Variants in HECTD2 observed in about 807,000 individuals in gnomAD.
HECTD2 encodes the protein HECT domain E3 ubiquitin protein ligase 2, also known as probable E3 ubiquitin-protein ligase HECTD2.
In HECTD2, 35 loss-of-function variants were observed where a neutral mutation model predicts 103.2. The ratio of observed to expected loss-of-function variants is 0.34; its 90% confidence interval spans 0.26 to 0.45. HECTD2 has a LOEUF of 0.45. Ranked by LOEUF, HECTD2 falls within the 20% of genes least tolerant of loss-of-function variation. HECTD2 has a pLI of 1.00. For missense variants in HECTD2, 596 were observed against 937.4 expected, an observed-to-expected ratio of 0.64 and a Z score of 4.76; for synonymous variants, 281 against 329.9, an observed-to-expected ratio of 0.85 and a Z score of 1.61.
chr10:91,487,626 A>G lies in HECTD2; in HGVS notation c.1095-56A>G. On this transcript the variant is annotated intron_variant, in intron 10 of 20. Coordinates refer to ENST00000298068, the MANE Select transcript of HECTD2 (RefSeq NM_182765.6). This position sits in a 1 kb window ranked among gnomAD's most constrained non-coding sequence, Gnocchi z 4.1. ...AAGGGGTACCTTAGATTCCCTTAGT[A>G]TAATTTTGTTAAAAATACACCATTT... 9.3e-7 allele frequency: 1 copy of G among 1,071,074 alleles called. No individual in the cohort carries two copies. Among genetic ancestry groups the G allele is most frequent in the Middle Eastern group, 2.0e-4 (1 of 5,004 alleles). The allele number at this position is 1,071,074 out of a possible 1,614,324, so 66.3% of individuals were successfully genotyped here. A position where few individuals can be genotyped will look rare whatever the true frequency, so the allele number is the denominator to read the frequency against.
intron 1 of HECTD2, among the ~76,000 whole-genome samples, chr10:91,424,679 T>A (rs1423917528): frequency 6.6e-6 from 1 of 152,222 alleles, no homozygotes; most frequent in Middle Eastern, 3.4e-3. Flanking sequence ...ATGGATAGAT[T>A]CCATGTTTTA....
At chr10:91,434,202 G>T (rs1844017738) in intron 2 of HECTD2, among the ~76,000 whole-genome samples, 1 of 150,388 alleles carries the variant, frequency 6.6e-6, no homozygotes, top group African/African-American at 2.4e-5. Flanking sequence ...TTTATTTTTT[G>T]CCAAATGTTC....
chr10:91,418,519 T>G (rs1025310016), intron 1 of HECTD2, among the ~76,000 whole-genome samples: 2 of 152,158 alleles, frequency 1.3e-5, no homozygotes, highest in Admixed American at 6.6e-5. Context: ...TTTATATAAC[T>G]TAAACCAATT....
intron 20 of HECTD2, among the ~76,000 whole-genome samples, chr10:91,507,517 C>T (rs1334529147): frequency 3.7e-4 from 56 of 152,302 alleles, no homozygotes; most frequent in Admixed American, 3.7e-3. Context: ...AACTCCCATT[C>T]ACAACTGCTT....
At chr10:91,435,615 T>A (rs1844081193) in intron 2 of HECTD2, among the ~76,000 whole-genome samples, 1 of 152,014 alleles carries the variant, frequency 6.6e-6, no homozygotes, top group Non-Finnish European at 1.5e-5. Flanking sequence ...CCTGTTCCTT[T>A]GAATCAGATG....
At chr10:91,454,998 T>A (rs1196702772) in intron 2 of HECTD2, among the ~76,000 whole-genome samples, 1 of 152,174 alleles carries the variant, frequency 6.6e-6, no homozygotes, top group African/African-American at 2.4e-5. Context: ...GTTCCAAGTC[T>A]TAGCTATTGT....
At chr10:91,506,518 A>C (rs1847185553) in intron 20 of HECTD2, among the ~76,000 whole-genome samples, 2 of 152,252 alleles carry the variant, frequency 1.3e-5, no homozygotes, top group South Asian at 4.1e-4. Context: ...AAACTAGAAA[A>C]TCTAGAAGAA....
intron 5 of HECTD2, among the ~76,000 whole-genome samples, chr10:91,465,014 T>C (rs1274835388): frequency 6.6e-6 from 1 of 152,228 alleles, no homozygotes; most frequent in Non-Finnish European, 1.5e-5. Context: ...TTTTCATACA[T>C]AGTAGTTTAA....
Position 91,491,293 on chromosome 10 carries a change from G to A in HECTD2, c.1285G>A (p.Asp429Asn), listed in dbSNP as rs1275802990. The A allele has an allele frequency of 6.9e-7, 1 of 1,443,562 alleles. No individual in the cohort carries two copies. Among genetic ancestry groups the A allele is most frequent in the Non-Finnish European group, 9.6e-7 (1 of 1,036,328 alleles). The allele number at this position is 1,443,562 out of a possible 1,614,324, so 89.4% of individuals were successfully genotyped here. Residue 429 changes from aspartate (D) to asparagine (N), a missense_variant, in exon 12 of 21, where the codon GAT (aspartate) becomes AAT (asparagine). Transcript: ENST00000298068. Reference protein sequence around the residue: ...MKVRRTHLVSDSLDELTRKRA... With the variant: ...MKVRRTHLVSNSLDELTRKRA... ...AGTAAGACGGACACATCTGGTTAGC[G>A]ATTCACTTGATGAGGTATAATTTAT...
intron 20 of HECTD2, among the ~76,000 whole-genome samples, chr10:91,508,670 T>C (rs61877894): frequency 2.7e-5 from 4 of 148,006 alleles, no homozygotes; most frequent in Non-Finnish European, 5.9e-5. Context: ...TTTTACACTG[T>C]TGGTGGGACT....
At chr10:91,506,386 TAAAG>T (rs1847177515) in intron 20 of HECTD2, among the ~76,000 whole-genome samples, 1 of 150,074 alleles carries the variant, frequency 6.7e-6, no homozygotes, top group Non-Finnish European at 1.5e-5. Flanking sequence ...GCAAGACTAA[TAAAG>T]AAAAAAAGAG....
intron 2 of HECTD2, among the ~76,000 whole-genome samples, chr10:91,429,512 C>T (rs1416046174): frequency 6.6e-6 from 1 of 152,040 alleles, no homozygotes; most frequent in Non-Finnish European, 1.5e-5. Flanking sequence ...TGGTCCTGGA[C>T]TCTTTTTGGT....
At chr10:91,479,310 G>T (rs1221466612) in intron 6 of HECTD2, among the ~76,000 whole-genome samples, 1 of 152,034 alleles carries the variant, frequency 6.6e-6, no homozygotes, top group African/African-American at 2.4e-5. Context: ...CTATTTTAAT[G>T]TATGTCTTTT....
chr10:91,410,905 G>C (rs1305602191), intron 1 of HECTD2, among the ~76,000 whole-genome samples: 1 of 152,232 alleles, frequency 6.6e-6, no homozygotes, highest in African/African-American at 2.4e-5. Flanking sequence ...TCTGTTGGAT[G>C]AGCATAGGTG....
At chr10:91,474,378 CAA>C (rs1197090979) in intron 5 of HECTD2, among the ~76,000 whole-genome samples, 1 of 152,186 alleles carries the variant, frequency 6.6e-6, no homozygotes, top group Non-Finnish European at 1.5e-5. Context: ...ATGCTAAGCA[CAA>C]GAGATACCTA....
chr10:91,418,801 T>G (rs1843234629), intron 1 of HECTD2, among the ~76,000 whole-genome samples: 1 of 152,176 alleles, frequency 6.6e-6, no homozygotes, highest in African/African-American at 2.4e-5. Context: ...GTCAGTTTAT[T>G]AAAAATTGGT....
At chr10:91,470,949 A>G (rs1845701339) in intron 5 of HECTD2, among the ~76,000 whole-genome samples, 2 of 151,792 alleles carry the variant, frequency 1.3e-5, no homozygotes, top group African/African-American at 4.9e-5. Context: ...CATCATCTTG[A>G]TATCATCTTT....
intron 5 of HECTD2, among the ~76,000 whole-genome samples, chr10:91,473,470 G>A (rs1286109032): frequency 6.6e-6 from 1 of 152,108 alleles, no homozygotes; most frequent in African/African-American, 2.4e-5. Flanking sequence ...TTAGAGAGAA[G>A]AGGAAGGATC....
chr10:91,472,382 G>A (rs1287697258), intron 5 of HECTD2, among the ~76,000 whole-genome samples: 1 of 152,106 alleles, frequency 6.6e-6, no homozygotes, highest in Non-Finnish European at 1.5e-5. Flanking sequence ...ATATCATTCT[G>A]GACATAGGCC....
Sources: allele counts gnomAD v4.1 joint callset (sites outside exome capture counted in the v4.1 genomes callset), GRCh38; gene constraint gnomAD v4.1.1; non-coding constraint Gnocchi (gnomAD v3.1); transcripts MANE v1.5; gene names NCBI Gene and HGNC (gene_info 2026-07-23, HGNC 2026-07-21).